The following ECHDC1 variants were observed in gnomAD, a reference collection of about 807,000 sequenced individuals.
The protein encoded by ECHDC1 is ethylmalonyl-CoA decarboxylase.
In ECHDC1, 29 loss-of-function variants were observed where a neutral mutation model predicts 29.7. The ratio of observed to expected loss-of-function variants is 0.98; its 90% CI spans 0.73 to 1.33. The LOEUF is 1.33. Ranked by LOEUF, ECHDC1 falls within the 40% of genes most tolerant of loss-of-function variation. The probability of loss-of-function intolerance (pLI) is 0.00; values close to 1 mark genes in which losing one functional copy is unlikely to be tolerated. For missense variants in ECHDC1, 328 were observed against 350.0 expected (o/e 0.94, Z 0.50); for synonymous variants, 126 against 123.1 (o/e 1.02, Z -0.15).
At chr6:127,307,172 T>C (rs1366895629) in intron 5 of ECHDC1, among the ~76,000 whole-genome samples, 1 of 152,118 alleles carries the variant, frequency 6.6e-6, no homozygotes, top group Non-Finnish European at 1.5e-5. Flanking sequence ...GCAAAAGCAG[T>C]ACTAACAGGG....
Position 127,289,598 on chromosome 6 carries a change from A to C in ECHDC1, c.*271T>G, listed in dbSNP as rs1369773809. On this transcript the variant is annotated 3_prime_UTR_variant, in exon 6 of 6. Transcript: ENST00000454859. Reference sequence around the variant, plus strand: ...TTTTAAACACTGCTCTTTGGTTATAAGCTAAGAATTATTATTGGAATTGAC... The same window carrying C: ...TTTTAAACACTGCTCTTTGGTTATACGCTAAGAATTATTATTGGAATTGAC... The C allele has an allele frequency of 3.0e-6, 1 of 338,588 alleles. No individual in the cohort carries two copies. Among genetic ancestry groups the C allele is most frequent in the East Asian group, 5.0e-5 (1 of 19,830 alleles). 21.0% of individuals were successfully genotyped at this position (338,588 alleles called of 1,614,324 possible).
intron 4 of ECHDC1, 178 bp downstream of exon 4, chr6:127,316,272 A>G (rs557687329): frequency 1.8e-6 from 1 of 555,892 alleles, no homozygotes; most frequent in African/African-American, 1.9e-5. Flanking sequence ...ACATATGTAT[A>G]TACTTCATTA....
chr6:127,297,352 G>C (rs1256377648), intron 5 of ECHDC1, among the ~76,000 whole-genome samples: 1 of 152,024 alleles, frequency 6.6e-6, no homozygotes, highest in African/African-American at 2.4e-5. Context: ...AAATAAGGCT[G>C]GAAACAAGGG....
chr6:127,302,373 T>C (rs1781117397), intron 5 of ECHDC1, among the ~76,000 whole-genome samples: 1 of 152,180 alleles, frequency 6.6e-6, no homozygotes, highest in Non-Finnish European at 1.5e-5. Context: ...AGTGTAATAA[T>C]GCACACTTGC....
At chr6:127,320,798 G>C (rs1234415786) in intron 3 of ECHDC1, among the ~76,000 whole-genome samples, 1 of 151,838 alleles carries the variant, frequency 6.6e-6, no homozygotes, top group Non-Finnish European at 1.5e-5. Flanking sequence ...TCTGAACCAA[G>C]AATTAACTGC....
In ECHDC1 at chr6:127,333,666, TACACACACACACAC is replaced by T. The variant is rs10523734; in HGVS notation, c.-2-2650_-2-2637del. Reference sequence around the variant, plus strand: ...CATATCAATCATACTCTCTTTCTCTTACACACACACACACACACACACACACACACACACACACA... The same window carrying T: ...CATATCAATCATACTCTCTTTCTCTTACACACACACACACACACACACACA... On this transcript the variant is annotated intron_variant, in intron 1 of 5. Transcript: ENST00000454859. Among the ~76,000 whole-genome samples, 622 of 128,124 alleles carry T rather than the reference TACACACACACACAC, an allele frequency of 4.9e-3. 8 individuals are homozygous for T. Among genetic ancestry groups the T allele is most frequent in the African/African-American group, 0.014 (498 of 35,966 alleles). 84.1% of individuals were successfully genotyped at this position (128,124 alleles called of 152,430 possible).
At chr6:127,341,714 C>G (rs1784963024) in intron 1 of ECHDC1, 1 of 152,190 alleles carries the variant, frequency 6.6e-6, no homozygotes, top group Non-Finnish European at 1.5e-5. Context: ...CAAAGGTGAT[C>G]TGTTTCCCTT....
intron 5 of ECHDC1, among the ~76,000 whole-genome samples, chr6:127,299,082 G>A (rs1002071139): frequency 6.6e-6 from 1 of 151,770 alleles, no homozygotes; most frequent in South Asian, 2.1e-4. Flanking sequence ...GCCCAGGCTG[G>A]TCTCCAACTC....
chr6:127,325,728 T>C (rs1201643641), intron 3 of ECHDC1, among the ~76,000 whole-genome samples: 1 of 151,836 alleles, frequency 6.6e-6, no homozygotes, highest in Non-Finnish European at 1.5e-5. Flanking sequence ...TGAGACAGGG[T>C]CTCACTCTGT....
intron 1 of ECHDC1, among the ~76,000 whole-genome samples, chr6:127,334,988 C>T (rs960539105): frequency 6.6e-6 from 1 of 151,952 alleles, no homozygotes; most frequent in African/African-American, 2.4e-5. Flanking sequence ...ATAAAAGGTA[C>T]TTACTTAATA....
In ECHDC1 at chr6:127,290,765, A is replaced by C. The variant is rs1007856275; in HGVS notation, c.498-488T>G. 2.0e-5 allele frequency among the ~76,000 whole-genome samples: 3 copies of C among 152,236 alleles called. No individual in the cohort carries two copies. In the South Asian group the frequency reaches 6.2e-4, roughly 32 times the overall value. ...GTGGTGGTTTAGGTGCTGAGACTAC[A>C]GGAATGACCAAAACAAAACCCTTGT... On this transcript the variant is annotated intron_variant, in intron 5 of 5. Coordinates refer to ENST00000454859, the MANE Select transcript of ECHDC1 (RefSeq NM_001002030.2).
At chr6:127,330,671 T>G (rs2114681172) in intron 2 of ECHDC1, 138 bp downstream of exon 2, 1 of 658,906 alleles carries the variant, frequency 1.5e-6, no homozygotes, top group East Asian at 2.7e-5. Context: ...ACAGAGTTGT[T>G]GTTTTTGTTA....
In ECHDC1 at chr6:127,311,669, C is replaced by CAAA. The variant is rs71272311; in HGVS notation, c.497+3144_497+3146dup. ...AGCCTGGGTGACAGAGGCTCTGTCTCAAAAAAAAAAAAAAAAAAAAAAAAA... is the reference window on the plus strand; with the variant it reads ...AGCCTGGGTGACAGAGGCTCTGTCTCAAAAAAAAAAAAAAAAAAAAAAAAAAAA... On this transcript the variant is annotated intron_variant, in intron 5 of 5. Coordinates refer to ENST00000454859, the MANE Select transcript of ECHDC1 (RefSeq NM_001002030.2). Among the ~76,000 whole-genome samples the CAAA allele has an allele frequency of 1.6e-3, 40 of 25,032 alleles. 1 individual carries two copies. Among genetic ancestry groups the CAAA allele is most frequent in the South Asian group, 2.6e-3 (1 of 390 alleles). 16.4% of individuals were successfully genotyped at this position (25,032 alleles called of 152,430 possible). A position where few individuals can be genotyped will look rare whatever the true frequency, so the allele number is the denominator to read the frequency against.
At chr6:127,331,967 C>G in intron 1 of ECHDC1, 2 of 692,868 alleles carry the variant, frequency 2.9e-6, no homozygotes, top group Non-Finnish European at 3.6e-6. Flanking sequence ...CCTGAGTAAT[C>G]TCATCTCTGC....
chr6:127,310,254 G>A (rs946852174), intron 5 of ECHDC1, among the ~76,000 whole-genome samples: 1 of 152,004 alleles, frequency 6.6e-6, no homozygotes, highest in African/African-American at 2.4e-5. Context: ...TGGATTTTTT[G>A]TAACACAAAG....
intron 3 of ECHDC1, among the ~76,000 whole-genome samples, chr6:127,325,471 C>T (rs188680518): frequency 4.1e-4 from 63 of 152,208 alleles, no homozygotes; most frequent in African/African-American, 1.4e-3. Flanking sequence ...AAAAGCTGTA[C>T]ATATTCAATG....
At chr6:127,327,291 G>A in intron 2 of ECHDC1, 147 bp from the exon 3 acceptor site, 1 of 879,614 alleles carries the variant, frequency 1.1e-6, no homozygotes, top group Non-Finnish European at 1.7e-6. Flanking sequence ...CTACTGCACT[G>A]GCACTATGGA....
At chr6:127,338,232 C>G (rs767791969) in intron 1 of ECHDC1, among the ~76,000 whole-genome samples, 3 of 152,056 alleles carry the variant, frequency 2.0e-5, no homozygotes, top group Non-Finnish European at 4.4e-5. Flanking sequence ...TTAGTGATCA[C>G]CCCATTGTTA....
chr6:127,326,521 AG>A (rs1783349289), intron 3 of ECHDC1: 1 of 454,820 alleles, frequency 2.2e-6, no homozygotes, highest in Admixed American at 2.4e-5. Flanking sequence ...TGTTAATAAA[AG>A]GGGAAACTGG....
Sources: allele counts gnomAD v4.1 joint callset (sites outside exome capture counted in the v4.1 genomes callset), GRCh38; gene constraint gnomAD v4.1.1; transcripts MANE v1.5; gene names NCBI Gene and HGNC (gene_info 2026-07-23, HGNC 2026-07-21).